NLGN1: variants seen among roughly 807,000 people sequenced by gnomAD.
NLGN1 encodes the protein neuroligin-1.
A neutral mutation model predicts 65.5 loss-of-function variants in NLGN1; 12 were observed. The observed-to-expected ratio is 0.18, with a 90% CI of 0.12 to 0.30. NLGN1 has a LOEUF of 0.30. Ranked by LOEUF, NLGN1 falls within the 10% of genes least tolerant of loss-of-function variation. NLGN1 has a pLI of 1.00. For missense variants in NLGN1, 750 were observed against 1,007.1 expected (o/e 0.74, Z 3.46); for synonymous variants, 350 against 359.5 (o/e 0.97, Z 0.30).
At chr3:173,415,842 A>T (rs1182326470) in intron 1 of NLGN1, among the ~76,000 whole-genome samples, 2 of 151,562 alleles carry the variant, frequency 1.3e-5, no homozygotes, top group African/African-American at 4.9e-5. Flanking sequence ...TTCCCTATTG[A>T]TAAAGGGAGA....
intron 4 of NLGN1, among the ~76,000 whole-genome samples, chr3:173,825,024 G>C (rs747611211): frequency 5.3e-5 from 8 of 151,984 alleles, no homozygotes; most frequent in Non-Finnish European, 1.2e-4. Flanking sequence ...GCCCTAAAGT[G>C]GGCCCAAATA....
intron 2 of NLGN1, among the ~76,000 whole-genome samples, chr3:173,518,458 G>A (rs1342551255): frequency 6.8e-6 from 1 of 148,012 alleles, no homozygotes; most frequent in Non-Finnish European, 1.5e-5. Flanking sequence ...TGTATACATA[G>A]TTATAGTTAT....
intron 4 of NLGN1, among the ~76,000 whole-genome samples, chr3:173,894,954 A>T (rs1297092944): frequency 3.3e-5 from 5 of 152,274 alleles, no homozygotes; most frequent in East Asian, 3.9e-4. Context: ...TTATTTTCTT[A>T]TAGTTAAATA....
chr3:173,469,024 C>T (rs1256884655), intron 2 of NLGN1, among the ~76,000 whole-genome samples: 1 of 152,062 alleles, frequency 6.6e-6, no homozygotes, highest in African/African-American at 2.4e-5. Flanking sequence ...TTTGTAATAT[C>T]TGTTCTGTCT....
At chr3:173,569,028 A>G (rs1744200168) in intron 2 of NLGN1, among the ~76,000 whole-genome samples, 1 of 152,050 alleles carries the variant, frequency 6.6e-6, no homozygotes, top group Non-Finnish European at 1.5e-5. Context: ...GCTTTTCCCC[A>G]AGGAAAAAAA....
intron 3 of NLGN1, among the ~76,000 whole-genome samples, chr3:173,726,487 T>A (rs1771800390): frequency 6.6e-6 from 1 of 152,000 alleles, no homozygotes; most frequent in African/African-American, 2.4e-5. Context: ...AAAATCAAAT[T>A]TTGAGCTATA....
intron 2 of NLGN1, among the ~76,000 whole-genome samples, chr3:173,499,764 C>T (rs1730702443): frequency 6.6e-6 from 1 of 151,848 alleles, no homozygotes. Context: ...TTGAAGAGAT[C>T]CTTCACATCC....
At chr3:173,555,927 C>T (rs1179666883) in intron 2 of NLGN1, among the ~76,000 whole-genome samples, 1 of 152,068 alleles carries the variant, frequency 6.6e-6, no homozygotes, top group Non-Finnish European at 1.5e-5. Flanking sequence ...GCCTCTTGGC[C>T]TATTTCAGGA....
At chr3:174,209,622 TC>T (rs1438221235) in intron 4 of NLGN1, among the ~76,000 whole-genome samples, 5 of 140,602 alleles carry the variant, frequency 3.6e-5, no homozygotes, top group African/African-American at 1.1e-4. Context: ...AACCTTTCTT[TC>T]TTTTTTTTTT....
At chr3:173,981,948 A>C (rs1004995538) in intron 4 of NLGN1, among the ~76,000 whole-genome samples, 1 of 152,034 alleles carries the variant, frequency 6.6e-6, no homozygotes, top group African/African-American at 2.4e-5. Context: ...TTAACAGCTG[A>C]TATTTTTTAT....
chr3:174,183,357 AAGG>A (rs1264983931), intron 4 of NLGN1, among the ~76,000 whole-genome samples: 1 of 152,106 alleles, frequency 6.6e-6, no homozygotes, highest in South Asian at 2.1e-4. Context: ...CCTATTTTGC[AAGG>A]ATCTGAATCT....
chr3:174,015,778 A>G (rs563782461), intron 4 of NLGN1, among the ~76,000 whole-genome samples: 1 of 152,220 alleles, frequency 6.6e-6, no homozygotes, highest in Non-Finnish European at 1.5e-5. Context: ...AAGTAGAATT[A>G]GATTCTCTGA....
intron 4 of NLGN1, among the ~76,000 whole-genome samples, chr3:174,175,289 A>G (rs949527160): frequency 1.3e-5 from 2 of 151,350 alleles, no homozygotes; most frequent in African/African-American, 4.9e-5. Context: ...CTCTAATAAT[A>G]TTTGCTTTAT....
chr3:174,274,301 CACTA>C (rs35760139), intron 4 of NLGN1, among the ~76,000 whole-genome samples: 20,574 of 151,556 alleles, frequency 0.14, 1,889 homozygotes, highest in East Asian at 0.52. Flanking sequence ...ATAATAAACA[CACTA>C]ACTAACTATA....
intron 3 of NLGN1, among the ~76,000 whole-genome samples, chr3:173,682,961 T>C (rs959483141): frequency 1.3e-5 from 2 of 152,212 alleles, no homozygotes; most frequent in African/African-American, 4.8e-5. Flanking sequence ...TGAGAGACTA[T>C]TTAGAGATTT....
At chr3:173,530,371 T>A (rs893712770) in intron 2 of NLGN1, among the ~76,000 whole-genome samples, 2 of 151,800 alleles carry the variant, frequency 1.3e-5, no homozygotes, top group Non-Finnish European at 2.9e-5. Flanking sequence ...TAAAGGACAC[T>A]GATGAGTTCT....
chr3:173,544,583 A>G (rs375270244), intron 2 of NLGN1, among the ~76,000 whole-genome samples: 3 of 152,134 alleles, frequency 2.0e-5, no homozygotes, highest in Non-Finnish European at 4.4e-5. Context: ...AAATCCCTTG[A>G]GACAAGTTTG....
At chr3:173,772,305 AGAAGCTACTCAGTTTAAAAATGAAATAT>A (rs1200945494) in intron 3 of NLGN1, among the ~76,000 whole-genome samples, 4 of 152,134 alleles carry the variant, frequency 2.6e-5, no homozygotes, top group African/African-American at 9.7e-5. Flanking sequence ...ATGAAGTTTT[AGAAGCTACTCAGTTTAAAAATGAAATAT>A]GAAGCCGGGC....
intron 2 of NLGN1, among the ~76,000 whole-genome samples, chr3:173,437,777 A>C (rs1577457020): frequency 6.6e-6 from 1 of 150,652 alleles, no homozygotes; most frequent in African/African-American, 2.4e-5. Context: ...CACCACCCCC[A>C]CCCACCAACA....
Sources: gnomAD v4.1 joint callset for allele counts (sites outside exome capture counted in the v4.1 genomes callset) on GRCh38, gnomAD v4.1.1 for gene constraint, MANE v1.5 for transcripts, NCBI Gene and HGNC (gene_info 2026-07-23, HGNC 2026-07-21) for gene names.